Variants in CIP2A observed in about 807,000 individuals in gnomAD.
CIP2A encodes protein CIP2A.
Under a neutral mutation model 110.9 loss-of-function variants are expected in CIP2A, and 103 were observed. The observed-to-expected ratio is 0.93, with a 90% CI of 0.79 to 1.09. The LOEUF (loss-of-function observed/expected upper bound fraction) is 1.09, where lower values mean the gene tolerates loss of function less well. CIP2A is among the 50% of genes least tolerant of loss of function. CIP2A has a pLI of 0.00. For missense variants in CIP2A, 1,088 were observed against 1,038.4 expected, an observed-to-expected ratio of 1.05 and a Z score of -0.66; for synonymous variants, 381 against 361.6, an observed-to-expected ratio of 1.05 and a Z score of -0.61.
At chr3:108,560,125 AATG>A (rs750829979) in intron 14 of CIP2A, 97 bp from the exon 15 acceptor site, 171 of 673,812 alleles carry the variant, frequency 2.5e-4, no homozygotes, top group Non-Finnish European at 3.0e-4. Context: ...ATTAAAACTT[AATG>A]ATGAGTAACA....
chr3:108,588,809 T>C (rs1939188468), intron 1 of CIP2A, among the ~76,000 whole-genome samples: 1 of 152,182 alleles, frequency 6.6e-6, no homozygotes, highest in Admixed American at 6.5e-5. Flanking sequence ...TTCTTAATGT[T>C]GAAATAATGT....
At position 108,550,528 on chromosome 3, in the gene CIP2A, T is replaced by G. The variant is rs753503847; in HGVS notation, c.*621A>C. ...ATTGTGTTAAATGTAATCATTTAAA[T>G]GTAATAGTTTAACACAATGACAGTT... is the stretch of plus-strand genomic sequence containing the variant. On this transcript the variant is annotated 3_prime_UTR_variant, in exon 21 of 21. Transcript: ENST00000295746. 5.3e-5 allele frequency: 8 copies of G among 151,524 alleles called. No individual in the cohort carries two copies. Among genetic ancestry groups the G allele is most frequent in the Non-Finnish European group, 1.0e-4 (7 of 67,712 alleles). 9.4% of individuals were successfully genotyped at this position (151,524 alleles called of 1,614,324 possible).
chr3:108,569,505 T>G lies in CIP2A; in HGVS notation c.997A>C (p.Ser333Arg), dbSNP rs748982081. 2 of 1,612,706 alleles carry G rather than the reference T, an allele frequency of 1.2e-6. No homozygotes were observed. The highest frequency in any genetic ancestry group is 2.7e-5 in the African/African-American group (2 of 74,786). Residue 333 changes from serine (S) to arginine (R), a missense_variant, in exon 9 of 21, where the codon AGC (serine) becomes CGC (arginine). Physicochemically the swap from Ser to Arg is moderately radical, Grantham distance 110 (BLOSUM62 -1). Coordinates refer to ENST00000295746, the MANE Select transcript of CIP2A (RefSeq NM_020890.3). ...GTAGGTTCTAAACATTTAGTATGGC[T>G]TCCCAGAGTGGCGCTGCCAGGTGGA... ...QSPPGSATLG[S>R]HTKCLEPTVA...
At chr3:108,553,127 T>G (rs1559687225) in intron 19 of CIP2A, among the ~76,000 whole-genome samples, 7 of 130,062 alleles carry the variant, frequency 5.4e-5, no homozygotes, top group Non-Finnish European at 7.9e-5. Context: ...TTTTGTTTTT[T>G]TTTTTTTTTT....
intron 2 of CIP2A, 75 bp from the exon 3 acceptor site, chr3:108,583,158 T>C: frequency 2.9e-6 from 2 of 693,408 alleles, no homozygotes; most frequent in East Asian, 6.5e-5. Flanking sequence ...CAGAATTTAT[T>C]TCATATGAAT....
intron 2 of CIP2A, among the ~76,000 whole-genome samples, chr3:108,583,968 A>G (rs1171465112): frequency 6.6e-6 from 1 of 152,236 alleles, no homozygotes; most frequent in Non-Finnish European, 1.5e-5. Flanking sequence ...CTTCTAAAGT[A>G]TAAACACTGG....
rs776839111 is a variant in CIP2A, at chr3:108,553,739, A to AT, written c.2325-10dup. The AT allele has an allele frequency of 1.6e-5, 23 of 1,467,752 alleles. No homozygotes were observed. The highest frequency in any genetic ancestry group is 2.1e-5 in the Non-Finnish European group (22 of 1,059,026). 90.9% of individuals were successfully genotyped at this position (1,467,752 alleles called of 1,614,324 possible). A position where few individuals can be genotyped will look rare whatever the true frequency, so the allele number is the denominator to read the frequency against. On this transcript the variant is annotated splice_polypyrimidine_tract_variant and intron_variant, in intron 18 of 20. Transcript: ENST00000295746. Reference sequence around the variant, plus strand: ...TTAATTGGGCAATACTTCTGAAGTTATTAAAAAAAATAGAAGAAAACATTA... The same window carrying AT: ...TTAATTGGGCAATACTTCTGAAGTTATTTAAAAAAAATAGAAGAAAACATTA...
chr3:108,571,076 C>T (rs1240822676), intron 8 of CIP2A, among the ~76,000 whole-genome samples: 1 of 152,072 alleles, frequency 6.6e-6, no homozygotes, highest in African/African-American at 2.4e-5. Context: ...CCACTTCCAC[C>T]TCCACATGTT....
chr3:108,573,696 T>C (rs1387238991), intron 8 of CIP2A, among the ~76,000 whole-genome samples: 1 of 152,138 alleles, frequency 6.6e-6, no homozygotes, highest in Non-Finnish European at 1.5e-5. Context: ...GTTCTCATAT[T>C]GCACATGAGA....
At position 108,569,580 on chromosome 3, in the gene CIP2A, A is replaced by C; in HGVS notation, c.922T>G (p.Ser308Ala). The C allele has an allele frequency of 6.2e-7, 1 of 1,612,578 alleles. No individual in the cohort carries two copies. Among genetic ancestry groups the C allele is most frequent in the South Asian group, 1.1e-5 (1 of 91,050 alleles). The stretch of plus-strand genomic sequence containing the variant: ...AGCATATGGCGCAGCTGAGTCACTG[A>C]ACAGAAGGCAAGAAGTAATTCTAAA... ...KVLELLLAFC[S>A]VTQLRHMLTQ... Residue 308 changes from serine (S) to alanine (A), a missense_variant, in exon 9 of 21, where the codon TCA (serine) becomes GCA (alanine). Transcript: ENST00000295746.
intron 19 of CIP2A, among the ~76,000 whole-genome samples, chr3:108,552,671 GAACAAAAATGTTTTTCAGGATCATTTCAA>G (rs1159737994): frequency 1.3e-5 from 2 of 152,132 alleles, no homozygotes; most frequent in Non-Finnish European, 2.9e-5. Context: ...AGGCAAGTGA[GAACAAAAATGTTTTTCAGGATCATTTCAA>G]ATATACCATT....
chr3:108,586,753 T>C, intron 1 of CIP2A, among the ~76,000 whole-genome samples: 1 of 152,204 alleles, frequency 6.6e-6, no homozygotes, highest in African/African-American at 2.4e-5. Context: ...GCTTGGTTCC[T>C]GAATTCATGC....
At chr3:108,562,180 T>C (rs1469697167) in intron 13 of CIP2A, among the ~76,000 whole-genome samples, 1 of 152,184 alleles carries the variant, frequency 6.6e-6, no homozygotes, top group African/African-American at 2.4e-5. Flanking sequence ...TTGCTAATTC[T>C]GAAAAGTGGA....
At chr3:108,556,537 T>TA in intron 17 of CIP2A, among the ~76,000 whole-genome samples, 1 of 152,268 alleles carries the variant, frequency 6.6e-6, no homozygotes, top group Non-Finnish European at 1.5e-5. Flanking sequence ...TCCAAAATAT[T>TA]AAACTTTTTG....
At chr3:108,576,404 G>T in intron 7 of CIP2A, 58 bp from the exon 8 acceptor site, 1 of 881,900 alleles carries the variant, frequency 1.1e-6, no homozygotes, top group East Asian at 2.7e-5. Flanking sequence ...TACATCAAAA[G>T]GGATTTATCT....
intron 5 of CIP2A, among the ~76,000 whole-genome samples, 164 bp from the exon 6 acceptor site, chr3:108,579,852 G>C (rs929068583): frequency 6.6e-6 from 1 of 152,112 alleles, no homozygotes; most frequent in Non-Finnish European, 1.5e-5. Flanking sequence ...GAGAAATTTA[G>C]ATCAGAGATA....
At chr3:108,564,966 G>A (rs1186403029) in intron 12 of CIP2A, among the ~76,000 whole-genome samples, 1 of 151,694 alleles carries the variant, frequency 6.6e-6, no homozygotes, top group Non-Finnish European at 1.5e-5. Context: ...TTTTCTTCCA[G>A]CTGTCTCCCT....
At chr3:108,553,176 G>A (rs1169795872) in intron 19 of CIP2A, among the ~76,000 whole-genome samples, 1 of 128,132 alleles carries the variant, frequency 7.8e-6, no homozygotes, top group Non-Finnish European at 1.6e-5. Flanking sequence ...CACCCAGGTT[G>A]GAGTGCAGTG....
chr3:108,585,413 T>C (rs1458878778), intron 1 of CIP2A, among the ~76,000 whole-genome samples: 1 of 152,148 alleles, frequency 6.6e-6, no homozygotes, highest in Non-Finnish European at 1.5e-5. Flanking sequence ...AAAGTAATCA[T>C]TTGGATCTCA....
Sources: gnomAD v4.1 joint callset for allele counts (sites outside exome capture counted in the v4.1 genomes callset) on GRCh38, gnomAD v4.1.1 for gene constraint, MANE v1.5 for transcripts, NCBI Gene and HGNC (gene_info 2026-07-23, HGNC 2026-07-21) for gene names.